INTS4: variants seen among roughly 807,000 people sequenced by gnomAD.
INTS4 encodes the protein integrator complex subunit 4, also known as MSTP093.
In INTS4, 70 loss-of-function variants were observed where a neutral mutation model predicts 119.5. The ratio of observed to expected loss-of-function variants is 0.59; its 90% CI spans 0.48 to 0.71. INTS4 has a LOEUF of 0.71. INTS4 is among the 30% of genes least tolerant of loss of function. The probability of loss-of-function intolerance (pLI) is 0.00; values close to 1 mark genes in which losing one functional copy is unlikely to be tolerated. For synonymous variants in INTS4, 316 were observed against 419.6 expected (o/e 0.75, Z 3.02); for missense variants, 867 against 1,173.2 (o/e 0.74, Z 3.81).
intron 4 of INTS4, among the ~76,000 whole-genome samples, chr11:77,977,659 A>G (rs1046013286): frequency 6.6e-5 from 10 of 150,952 alleles, no homozygotes; most frequent in Non-Finnish European, 1.0e-4. Flanking sequence ...TTCTATGAGT[A>G]CAAATTATTA....
At chr11:77,926,766 C>T (rs952145885) in intron 11 of INTS4, among the ~76,000 whole-genome samples, 1 of 145,770 alleles carries the variant, frequency 6.9e-6, no homozygotes, top group African/African-American at 2.6e-5. Context: ...AAGCCAAGAT[C>T]GTACCACCGC....
chr11:77,960,408 T>C lies in INTS4; in HGVS notation c.658-17A>G, dbSNP rs774190243. On this transcript the variant is annotated splice_polypyrimidine_tract_variant and intron_variant, in intron 5 of 22. Coordinates refer to ENST00000534064, the MANE Select transcript of INTS4 (RefSeq NM_033547.4). The stretch of plus-strand genomic sequence containing the variant: ...GAGCTGCAACTAGATAATAAATATA[T>C]AGTTTAAGTGCTTGGGAGGAAAAGA... 9.0e-6 allele frequency: 14 copies of C among 1,550,372 alleles called. No homozygotes were observed. The highest frequency in any genetic ancestry group is 1.4e-5 in the African/African-American group (1 of 73,274).
intron 14 of INTS4, among the ~76,000 whole-genome samples, chr11:77,920,958 A>G (rs1211182267): frequency 1.3e-5 from 2 of 151,776 alleles, no homozygotes; most frequent in African/African-American, 4.8e-5. Context: ...TTCTTGCCTA[A>G]TATCAATAAC....
intron 1 of INTS4, among the ~76,000 whole-genome samples, chr11:77,993,064 T>C (rs1385929774): frequency 1.3e-5 from 2 of 152,222 alleles, no homozygotes; most frequent in African/African-American, 4.8e-5. Flanking sequence ...AGGAATTTTT[T>C]CCCTAAGTAT....
intron 8 of INTS4, among the ~76,000 whole-genome samples, chr11:77,948,873 A>ACAAG (rs1954117338): frequency 6.6e-6 from 1 of 152,196 alleles, no homozygotes; most frequent in Non-Finnish European, 1.5e-5. Context: ...AACACACTTC[A>ACAAG]CAAGCAAGAA....
At chr11:77,919,405 G>C (rs886413076) in intron 14 of INTS4, among the ~76,000 whole-genome samples, 1 of 152,078 alleles carries the variant, frequency 6.6e-6, no homozygotes, top group Admixed American at 6.5e-5. Flanking sequence ...TCTTGCCTCA[G>C]CCTCCTGAGT....
At chr11:77,933,401 T>C (rs1953707698) in intron 10 of INTS4, among the ~76,000 whole-genome samples, 2 of 152,166 alleles carry the variant, frequency 1.3e-5, no homozygotes, top group Non-Finnish European at 2.9e-5. Context: ...TTTCGTATTT[T>C]TTTTGGTGGA....
Position 77,984,906 on chromosome 11 carries a change from A to C in INTS4, c.247-3330T>G, listed in dbSNP as rs1856394184. Among the ~76,000 whole-genome samples, 10 of 53,432 alleles carry C rather than the reference A, an allele frequency of 1.9e-4. No homozygotes were observed. In the South Asian group the frequency reaches 0.01, roughly 56 times the overall value. 35.1% of individuals were successfully genotyped at this position (53,432 alleles called of 152,430 possible). A position where few individuals can be genotyped will look rare whatever the true frequency, so the allele number is the denominator to read the frequency against. On this transcript the variant is annotated intron_variant, in intron 2 of 22. Coordinates refer to ENST00000534064, the MANE Select transcript of INTS4 (RefSeq NM_033547.4). ...AAAAAAGGGGGGGAAAAGAAAATAA[A>C]TGTAAATGAAAAAAAAAAAAAAGCA...
chr11:77,937,110 G>A (rs889878106), intron 10 of INTS4, among the ~76,000 whole-genome samples: 3 of 152,000 alleles, frequency 2.0e-5, no homozygotes, highest in Non-Finnish European at 4.4e-5. Context: ...AGGATGCAGA[G>A]GTTGCAGTGA....
intron 11 of INTS4, among the ~76,000 whole-genome samples, chr11:77,925,176 G>T (rs1272350863): frequency 6.6e-6 from 1 of 152,140 alleles, no homozygotes; most frequent in African/African-American, 2.4e-5. Context: ...TAGGAAAAAG[G>T]ACAGGCTAAG....
At chr11:77,908,379 A>G (rs1367961166) in intron 15 of INTS4, among the ~76,000 whole-genome samples, 14 of 147,328 alleles carry the variant, frequency 9.5e-5, no homozygotes, top group African/African-American at 3.5e-4. Context: ...CCCAGACTGG[A>G]GTACAGTGGC....
At chr11:77,890,228 A>G (rs550085912) in intron 21 of INTS4, among the ~76,000 whole-genome samples, 125 of 152,358 alleles carry the variant, frequency 8.2e-4, no homozygotes, top group African/African-American at 2.8e-3. Context: ...TGCAGGTCTC[A>G]TAATTTTTAA....
chr11:77,972,380 T>C (rs981572680), intron 4 of INTS4, among the ~76,000 whole-genome samples: 6 of 151,902 alleles, frequency 3.9e-5, no homozygotes, highest in Non-Finnish European at 8.8e-5. Context: ...ATTACAGGCA[T>C]GAGCCACCAC....
At chr11:77,956,740 T>A (rs866051346) in intron 7 of INTS4, among the ~76,000 whole-genome samples, 2,168 of 45,486 alleles carry the variant, frequency 0.048, 152 homozygotes, top group African/African-American at 0.076. Context: ...ATAATAATAA[T>A]AATAATAATA....
intron 4 of INTS4, chr11:77,978,762 A>C (rs930981887): frequency 3.8e-5 from 9 of 235,414 alleles, no homozygotes; most frequent in African/African-American, 2.0e-4. Context: ...ACAAAGCACC[A>C]TAACAAGCAG....
At chr11:77,910,271 T>C (rs962526971) in intron 15 of INTS4, among the ~76,000 whole-genome samples, 3 of 151,608 alleles carry the variant, frequency 2.0e-5, no homozygotes, top group Admixed American at 1.3e-4. Flanking sequence ...CCATAAAAAA[T>C]GATGAGTTCA....
At chr11:77,885,888 A>G (rs750001019) in intron 21 of INTS4, among the ~76,000 whole-genome samples, 28 of 152,122 alleles carry the variant, frequency 1.8e-4, no homozygotes, top group Non-Finnish European at 3.5e-4. Flanking sequence ...CATGGGAAAA[A>G]CAAATGAACA....
At chr11:77,902,506 G>C (rs957574281) in intron 17 of INTS4, among the ~76,000 whole-genome samples, 1 of 152,152 alleles carries the variant, frequency 6.6e-6, no homozygotes, top group African/African-American at 2.4e-5. Context: ...CTGGGTATCA[G>C]AGGATCTGGT....
intron 4 of INTS4, among the ~76,000 whole-genome samples, chr11:77,964,999 T>C (rs1426287990): frequency 6.6e-6 from 1 of 152,234 alleles, no homozygotes; most frequent in African/African-American, 2.4e-5. Flanking sequence ...AATTATTAAA[T>C]CAAGCTAATT....
Sources: gnomAD v4.1 joint callset for allele counts (sites outside exome capture counted in the v4.1 genomes callset) on GRCh38, gnomAD v4.1.1 for gene constraint, MANE v1.5 for transcripts, NCBI Gene and HGNC (gene_info 2026-07-23, HGNC 2026-07-21) for gene names.